The following TAPT1 variants were observed in gnomAD, a reference collection of about 807,000 sequenced individuals.
The protein encoded by TAPT1 is transmembrane anterior posterior transformation protein 1 homolog.
TAPT1 carries 28 observed loss-of-function variants against 65.6 expected under a neutral mutation model. That is an observed-to-expected ratio of 0.43 (90% confidence interval 0.32 to 0.59). The LOEUF is 0.59. TAPT1 is among the 20% of genes least tolerant of loss of function. The pLI is 0.09. For missense variants in TAPT1, 563 were observed against 679.9 expected, an observed-to-expected ratio of 0.83 and a Z score of 1.91; for synonymous variants, 278 against 245.2, an observed-to-expected ratio of 1.13 and a Z score of -1.25.
rs1386889480 is a variant in TAPT1 at position 16,174,758 on chromosome 4, G to C, written c.1108-29C>G. On this transcript the variant is annotated intron_variant, in intron 9 of 13. Transcript: ENST00000405303. ...AAAACAAACAAGAATGAAATATCAA[G>C]TAATACAGTAAAAATATATAATGTG... 1.5e-5 allele frequency: 21 copies of C among 1,442,166 alleles called. No homozygotes were observed. In the Middle Eastern group the frequency reaches 8.8e-4, roughly 60 times the overall value. 89.3% of individuals were successfully genotyped at this position (1,442,166 alleles called of 1,614,324 possible). A position where few individuals can be genotyped will look rare whatever the true frequency, so the allele number is the denominator to read the frequency against.
At chr4:16,217,603 A>G (rs1459365576) in intron 1 of TAPT1, among the ~76,000 whole-genome samples, 2 of 152,224 alleles carry the variant, frequency 1.3e-5, no homozygotes, top group Non-Finnish European at 2.9e-5. Context: ...GAATTTCTCT[A>G]TTGAAAGATG....
At chr4:16,198,168 G>C (rs888200180) in intron 3 of TAPT1, among the ~76,000 whole-genome samples, 3 of 152,168 alleles carry the variant, frequency 2.0e-5, no homozygotes, top group Non-Finnish European at 2.9e-5. Flanking sequence ...CCTTAGTGAA[G>C]GGACAGGGTC....
At chr4:16,221,189 C>T (rs1208648294) in intron 1 of TAPT1, among the ~76,000 whole-genome samples, 1 of 152,050 alleles carries the variant, frequency 6.6e-6, no homozygotes, top group Non-Finnish European at 1.5e-5. Context: ...GGCACGATCT[C>T]GTCTCACTGC....
chr4:16,225,749 G>C (rs1415929443), intron 1 of TAPT1: 1 of 368,956 alleles, frequency 2.7e-6, no homozygotes, highest in African/African-American at 2.2e-5. Context: ...TCTGTACTGG[G>C]CAAAACTACT....
At chr4:16,206,181 AC>A in intron 2 of TAPT1, among the ~76,000 whole-genome samples, 1 of 152,366 alleles carries the variant, frequency 6.6e-6, no homozygotes, top group South Asian at 2.1e-4. Flanking sequence ...GAGATGGCCA[AC>A]AAAGGGATTA....
chr4:16,189,867 G>A (rs1167110137), intron 4 of TAPT1, among the ~76,000 whole-genome samples: 1 of 152,212 alleles, frequency 6.6e-6, no homozygotes, highest in African/African-American at 2.4e-5. Context: ...GCACTTTCCA[G>A]TGTCCTAAGA....
chr4:16,226,819 C>G (rs1466358405), upstream of TAPT1: 1 of 168,246 alleles, frequency 5.9e-6, no homozygotes, highest in Non-Finnish European at 1.2e-5. Context: ...CAGGAGCGGG[C>G]CGGGGATGGC....
intron 11 of TAPT1, among the ~76,000 whole-genome samples, chr4:16,170,957 G>A (rs1747952861): frequency 6.6e-6 from 1 of 152,174 alleles, no homozygotes; most frequent in Non-Finnish European, 1.5e-5. Flanking sequence ...GCAAATCTGG[G>A]ATGCCTGTGG....
chr4:16,165,854 C>G (rs2149663499), intron 13 of TAPT1, among the ~76,000 whole-genome samples: 1 of 152,298 alleles, frequency 6.6e-6, no homozygotes, highest in East Asian at 1.9e-4. Flanking sequence ...AGATAGCTGC[C>G]TCTCTGGTCC....
chr4:16,210,264 G>C (rs1750579865), intron 2 of TAPT1, among the ~76,000 whole-genome samples: 1 of 152,150 alleles, frequency 6.6e-6, no homozygotes, highest in Non-Finnish European at 1.5e-5. Flanking sequence ...CCCCTTGCAG[G>C]GTTAGCAAAG....
intron 3 of TAPT1, 46 bp downstream of exon 3, chr4:16,202,416 T>C (rs927693746): frequency 4.2e-6 from 5 of 1,179,862 alleles, no homozygotes; most frequent in Non-Finnish European, 4.9e-6. Context: ...GTATTAAAAA[T>C]AATGAAATAC....
At chr4:16,195,683 A>G (rs1749669086) in intron 3 of TAPT1, among the ~76,000 whole-genome samples, 1 of 152,226 alleles carries the variant, frequency 6.6e-6, no homozygotes, top group Non-Finnish European at 1.5e-5. Flanking sequence ...ACAATTTTAC[A>G]TTGTACAATT....
chr4:16,213,829 T>G lies in TAPT1; in HGVS notation c.269A>C (p.Lys90Thr). ...RGYFLEHNEA[K>T]YTERRERVYT... ...TACTCTTTCTCTTCTTTCTGTATAC[T>G]TGGCCTCATTATGTTCAAGGAAGTA... The change falls in exon 2 of 14, where the codon AAG (lysine) becomes ACG (threonine). Residue 90 changes from lysine (K) to threonine (T), a missense_variant. Lys to Thr is a moderately conservative substitution (Grantham distance 78). Transcript: ENST00000405303. 6.2e-7 allele frequency: 1 copy of G among 1,609,532 alleles called. No individual in the cohort carries two copies. The highest frequency in any genetic ancestry group is 8.5e-7 in the Non-Finnish European group (1 of 1,178,650).
upstream of TAPT1, chr4:16,226,572 GCCATCCGCGGC>G: frequency 7.2e-6 from 5 of 696,452 alleles, no homozygotes; most frequent in Non-Finnish European, 8.8e-6. Context: ...CGCCGCCGCC[GCCATCCGCGGC>G]CCGCCGACCG....
chr4:16,169,508 GAA>G (rs1339142690), intron 12 of TAPT1, among the ~76,000 whole-genome samples: 1 of 152,216 alleles, frequency 6.6e-6, no homozygotes, highest in African/African-American at 2.4e-5. Context: ...GTCAAAAAAT[GAA>G]AAGAGTTACA....
In TAPT1 at chr4:16,210,173, G is replaced by C. The variant is rs117888340; in HGVS notation, c.330+3595C>G. Among the ~76,000 whole-genome samples the C allele has an allele frequency of 1.4e-3, 207 of 152,302 alleles. 3 individuals carry two copies. In the East Asian group the frequency reaches 0.037, roughly 27 times the overall value. ...CCCAGACAGCCTAGGTAAAAGGAAAGAGGAAAGAAGACAGCTTTCCCTAGA... is the reference window on the plus strand; with the variant it reads ...CCCAGACAGCCTAGGTAAAAGGAAACAGGAAAGAAGACAGCTTTCCCTAGA... On this transcript the variant is annotated intron_variant, in intron 2 of 13. Coordinates refer to ENST00000405303, the MANE Select transcript of TAPT1 (RefSeq NM_153365.3).
intron 2 of TAPT1, among the ~76,000 whole-genome samples, chr4:16,208,008 G>C (rs1317692922): frequency 1.3e-5 from 2 of 152,184 alleles, no homozygotes; most frequent in African/African-American, 4.8e-5. Context: ...AGATATGCAA[G>C]CTTACATGAA....
chr4:16,174,735 A>C lies in TAPT1; in HGVS notation c.1108-6T>G. The C allele has an allele frequency of 1.9e-6, 3 of 1,556,734 alleles. No homozygotes were observed. The highest frequency in any genetic ancestry group is 2.6e-6 in the Non-Finnish European group (3 of 1,150,868). The stretch of plus-strand genomic sequence containing the variant: ...GCTCTATATTCACTGTAGACCTAAA[A>C]ACAAACAAGAATGAAATATCAAGTA... On this transcript the variant is annotated splice_polypyrimidine_tract_variant and splice_region_variant and intron_variant, in intron 9 of 13. Coordinates refer to ENST00000405303, the MANE Select transcript of TAPT1 (RefSeq NM_153365.3).
intron 12 of TAPT1, 35 bp from the exon 13 acceptor site, chr4:16,166,828 G>GA (rs774221215): frequency 6.2e-7 from 1 of 1,607,210 alleles, no homozygotes; most frequent in Non-Finnish European, 8.5e-7. Context: ...ACATCCGTTG[G>GA]AATTCATCTA....
Sources: gnomAD v4.1 joint callset for allele counts (sites outside exome capture counted in the v4.1 genomes callset) on GRCh38, gnomAD v4.1.1 for gene constraint, MANE v1.5 for transcripts, NCBI Gene and HGNC (gene_info 2026-07-23, HGNC 2026-07-21) for gene names.